Variants in GRM5 observed in about 807,000 individuals in gnomAD.
GRM5 encodes the protein glutamate metabotropic receptor 5.
In GRM5, 19 loss-of-function variants were observed where a neutral mutation model predicts 83.1. The ratio of observed to expected loss-of-function variants is 0.23; its 90% CI spans 0.16 to 0.34. GRM5 has a LOEUF of 0.34. Ranked by LOEUF, GRM5 falls within the 10% of genes least tolerant of loss-of-function variation. GRM5 has a pLI of 1.00. For synonymous variants in GRM5, 675 were observed against 633.6 expected, an observed-to-expected ratio of 1.07 and a Z score of -0.98; for missense variants, 1,160 against 1,588.3, an observed-to-expected ratio of 0.73 and a Z score of 4.58.
chr11:88,558,937 A>G (rs1942693006), intron 8 of GRM5, among the ~76,000 whole-genome samples: 1 of 152,014 alleles, frequency 6.6e-6, no homozygotes, highest in South Asian at 2.1e-4. Context: ...AAATAGAAGC[A>G]GAGTAAAAAT....
At chr11:88,519,039 G>T (rs16914126) in intron 9 of GRM5, among the ~76,000 whole-genome samples, 1 of 146,990 alleles carries the variant, frequency 6.8e-6, no homozygotes. Flanking sequence ...ATGCAATATC[G>T]GATGTAAAGG....
chr11:88,932,115 G>A (rs1353015846), intron 2 of GRM5, among the ~76,000 whole-genome samples: 2 of 151,906 alleles, frequency 1.3e-5, no homozygotes, highest in Non-Finnish European at 2.9e-5. Flanking sequence ...GACCAGCATG[G>A]GATTACTGAG....
intron 3 of GRM5, among the ~76,000 whole-genome samples, chr11:88,686,045 G>A (rs551307856): frequency 2.0e-5 from 3 of 152,174 alleles, no homozygotes; most frequent in South Asian, 2.1e-4. Context: ...TAGATCCACC[G>A]ACAGCTTGCA....
At chr11:88,629,258 T>C (rs1362392702) in intron 4 of GRM5, among the ~76,000 whole-genome samples, 1 of 152,206 alleles carries the variant, frequency 6.6e-6, no homozygotes, top group Non-Finnish European at 1.5e-5. Flanking sequence ...CCTTCTTTAG[T>C]AGAATTCCAT....
intron 3 of GRM5, among the ~76,000 whole-genome samples, chr11:88,763,428 A>T (rs1942568891): frequency 6.6e-6 from 1 of 151,820 alleles, no homozygotes; most frequent in South Asian, 2.1e-4. Flanking sequence ...TTTCTACATG[A>T]CTAAATTACA....
At chr11:88,827,749 A>T (rs1943917597) in intron 3 of GRM5, among the ~76,000 whole-genome samples, 1 of 152,234 alleles carries the variant, frequency 6.6e-6, no homozygotes, top group Non-Finnish European at 1.5e-5. Flanking sequence ...ATTTTGTACC[A>T]GGTATTCTTT....
intron 2 of GRM5, among the ~76,000 whole-genome samples, chr11:89,005,615 ATATC>A (rs1166609344): frequency 6.6e-6 from 1 of 152,148 alleles, no homozygotes; most frequent in Non-Finnish European, 1.5e-5. Flanking sequence ...CAGCTATAAT[ATATC>A]TATTTTTAGA....
intron 2 of GRM5, among the ~76,000 whole-genome samples, chr11:88,901,699 ATCCAC>A (rs1265798450): frequency 6.6e-6 from 1 of 152,184 alleles, no homozygotes; most frequent in African/African-American, 2.4e-5. Context: ...AGGGAGGCCT[ATCCAC>A]TCCTTGTCCT....
At chr11:88,812,154 G>A (rs375104002) in intron 3 of GRM5, among the ~76,000 whole-genome samples, 24 of 152,180 alleles carry the variant, frequency 1.6e-4, no homozygotes, top group African/African-American at 5.8e-4. Context: ...ACCATTTGCT[G>A]CCAAAGTAAA....
At chr11:88,932,954 A>G (rs1937762373) in intron 2 of GRM5, among the ~76,000 whole-genome samples, 1 of 151,858 alleles carries the variant, frequency 6.6e-6, no homozygotes, top group Admixed American at 6.6e-5. Flanking sequence ...TGACCCACAT[A>G]TCTCTAAATC....
intron 3 of GRM5, among the ~76,000 whole-genome samples, chr11:88,831,595 T>G (rs2135520249): frequency 6.6e-6 from 1 of 152,292 alleles, no homozygotes; most frequent in South Asian, 2.1e-4. Flanking sequence ...AACATGTCAC[T>G]TGGCATCTGG....
intron 2 of GRM5, among the ~76,000 whole-genome samples, chr11:89,006,855 T>C (rs1044705322): frequency 6.6e-6 from 1 of 152,224 alleles, no homozygotes; most frequent in Non-Finnish European, 1.5e-5. Flanking sequence ...TGGAGTGCAG[T>C]GGCGCAATCT....
chr11:88,660,550 C>A (rs192863033), intron 3 of GRM5, among the ~76,000 whole-genome samples: 142 of 152,256 alleles, frequency 9.3e-4, no homozygotes, highest in Admixed American at 7.3e-3. Context: ...CAATACCAAT[C>A]TAAAAATGTT....
chr11:88,648,202 ACGTATGTTTATTG>A (rs1411133142), intron 4 of GRM5, among the ~76,000 whole-genome samples: 1 of 151,596 alleles, frequency 6.6e-6, no homozygotes, highest in Non-Finnish European at 1.5e-5. Context: ...ACACATGCAC[ACGTATGTTTATTG>A]CGGCATTATT....
chr11:89,045,840 A>AT (rs1941630481), intron 2 of GRM5, among the ~76,000 whole-genome samples: 1 of 152,146 alleles, frequency 6.6e-6, no homozygotes, highest in South Asian at 2.1e-4. Context: ...ACCTAGTCAT[A>AT]TTTTCTTATG....
chr11:88,768,936 T>G (rs889509700), intron 3 of GRM5, among the ~76,000 whole-genome samples: 1 of 152,180 alleles, frequency 6.6e-6, no homozygotes, highest in East Asian at 1.9e-4. Flanking sequence ...AATAAAATTT[T>G]GTTGTTTTAT....
intron 2 of GRM5, among the ~76,000 whole-genome samples, chr11:89,009,678 C>T (rs1240195373): frequency 6.6e-6 from 1 of 151,524 alleles, no homozygotes; most frequent in African/African-American, 2.4e-5. Flanking sequence ...GGGCGGATCA[C>T]GAGGTCAGGA....
intron 2 of GRM5, among the ~76,000 whole-genome samples, chr11:88,852,358 C>T (rs7938096): frequency 0.44 from 66,359 of 151,786 alleles, 14,763 homozygotes; most frequent in African/African-American, 0.5. Context: ...TGCTTAATAT[C>T]CAGATATTTT....
At chr11:88,821,566 A>C (rs1447825957) in intron 3 of GRM5, among the ~76,000 whole-genome samples, 1 of 151,960 alleles carries the variant, frequency 6.6e-6, no homozygotes, top group Non-Finnish European at 1.5e-5. Context: ...TCTTCTCTGG[A>C]CTATTGCAAT....
Sources: allele counts gnomAD v4.1 joint callset (sites outside exome capture counted in the v4.1 genomes callset), GRCh38; gene constraint gnomAD v4.1.1; transcripts MANE v1.5; gene names NCBI Gene and HGNC (gene_info 2026-07-23, HGNC 2026-07-21).